The following TINAG variants were observed in gnomAD, a reference collection of about 807,000 sequenced individuals.
The protein encoded by TINAG is tubulointerstitial nephritis antigen.
A neutral mutation model predicts 72.7 loss-of-function variants in TINAG; 83 were observed. The ratio of observed to expected loss-of-function variants is 1.14; its 90% CI spans 0.96 to 1.37. The LOEUF (loss-of-function observed/expected upper bound fraction) is 1.37, where lower values mean the gene tolerates loss of function less well. Ranked by LOEUF, TINAG falls within the 40% of genes most tolerant of loss-of-function variation. TINAG has a pLI of 0.00. For missense variants in TINAG, 685 were observed against 576.6 expected, an observed-to-expected ratio of 1.19 and a Z score of -1.93; for synonymous variants, 234 against 189.9, an observed-to-expected ratio of 1.23 and a Z score of -1.91.
chr6:54,330,395 C>T (rs370907765), intron 4 of TINAG, among the ~76,000 whole-genome samples: 10 of 152,222 alleles, frequency 6.6e-5, no homozygotes, highest in Middle Eastern at 3.4e-3. Context: ...TAAATAAGTT[C>T]TTTGAAACAA....
chr6:54,375,790 T>C (rs1211315489), intron 9 of TINAG, among the ~76,000 whole-genome samples: 4 of 152,200 alleles, frequency 2.6e-5, no homozygotes, highest in Non-Finnish European at 5.9e-5. Flanking sequence ...CTTGCTTGAA[T>C]TGCAACATAA....
intron 9 of TINAG, among the ~76,000 whole-genome samples, chr6:54,372,727 C>CATAT (rs67301819): frequency 4.5e-3 from 600 of 133,512 alleles, no homozygotes; most frequent in Admixed American, 8.8e-3. Context: ...TAAATACATA[C>CATAT]ATATATATAT....
intron 9 of TINAG, among the ~76,000 whole-genome samples, chr6:54,379,571 A>G (rs1763884259): frequency 6.6e-6 from 1 of 152,094 alleles, no homozygotes; most frequent in Admixed American, 6.6e-5. Flanking sequence ...ATTTTTACAT[A>G]AACTACAAAA....
chr6:54,323,727 G>C (rs1372272634), intron 3 of TINAG, among the ~76,000 whole-genome samples: 1 of 152,200 alleles, frequency 6.6e-6, no homozygotes, highest in Non-Finnish European at 1.5e-5. Context: ...GCCAAGACGA[G>C]CAGATCATTT....
intron 9 of TINAG, among the ~76,000 whole-genome samples, chr6:54,377,628 G>A (rs1763819787): frequency 6.6e-6 from 1 of 152,086 alleles, no homozygotes; most frequent in Non-Finnish European, 1.5e-5. Flanking sequence ...GGGAAATAGA[G>A]TACACATAGT....
chr6:54,353,353 A>G (rs1785311589), intron 8 of TINAG, among the ~76,000 whole-genome samples: 1 of 151,840 alleles, frequency 6.6e-6, no homozygotes, highest in African/African-American at 2.4e-5. Context: ...TCTTGCTATA[A>G]ATGTTACAGG....
At chr6:54,381,356 T>C (rs967934694) in intron 10 of TINAG, among the ~76,000 whole-genome samples, 6 of 60,110 alleles carry the variant, frequency 1.0e-4, no homozygotes, top group Non-Finnish European at 1.7e-4. Context: ...TAATATTATA[T>C]ACTTTTTTTA....
intron 10 of TINAG, among the ~76,000 whole-genome samples, chr6:54,384,341 T>C (rs1010050926): frequency 6.6e-6 from 1 of 152,056 alleles, no homozygotes; most frequent in Non-Finnish European, 1.5e-5. Context: ...ACCCCAGAAC[T>C]TAAATTATAA....
chr6:54,363,592 T>C (rs1763309730), intron 9 of TINAG, among the ~76,000 whole-genome samples: 1 of 148,612 alleles, frequency 6.7e-6, no homozygotes, highest in Non-Finnish European at 1.5e-5. Flanking sequence ...AGAGATGTTT[T>C]TGAGACAAAA....
chr6:54,368,925 C>A (rs1384737542), intron 9 of TINAG, among the ~76,000 whole-genome samples: 1 of 151,622 alleles, frequency 6.6e-6, no homozygotes, highest in Non-Finnish European at 1.5e-5. Context: ...TTTTTTATTA[C>A]ACATTTGAAG....
chr6:54,385,431 CA>C (rs950312196), intron 10 of TINAG, among the ~76,000 whole-genome samples: 1 of 150,618 alleles, frequency 6.6e-6, no homozygotes, highest in Admixed American at 6.6e-5. Context: ...CAAAACTTAT[CA>C]AAAACCTACA....
intron 9 of TINAG, among the ~76,000 whole-genome samples, chr6:54,361,491 G>A (rs1763236475): frequency 6.6e-6 from 1 of 151,624 alleles, no homozygotes; most frequent in African/African-American, 2.4e-5. Context: ...TAAACAACCA[G>A]ATCTCATGAG....
intron 4 of TINAG, among the ~76,000 whole-genome samples, chr6:54,338,919 T>C (rs537884584): frequency 6.6e-5 from 10 of 152,094 alleles, no homozygotes; most frequent in Non-Finnish European, 1.5e-4. Flanking sequence ...AATCTAATTT[T>C]CAAAACCGGT....
chr6:54,374,789 T>C (rs1763731552), intron 9 of TINAG, among the ~76,000 whole-genome samples: 3 of 152,234 alleles, frequency 2.0e-5, no homozygotes, highest in African/African-American at 7.2e-5. Flanking sequence ...ATAAGAAGGG[T>C]TGGAGTTCCA....
intron 9 of TINAG, among the ~76,000 whole-genome samples, chr6:54,367,415 T>A (rs1763466557): frequency 6.6e-6 from 1 of 151,778 alleles, no homozygotes; most frequent in Admixed American, 6.6e-5. Context: ...CATACATAAA[T>A]TTGCCTGACC....
intron 4 of TINAG, among the ~76,000 whole-genome samples, chr6:54,332,560 A>G (rs892846011): frequency 2.6e-5 from 4 of 152,216 alleles, no homozygotes; most frequent in African/African-American, 9.6e-5. Context: ...AGGCACGGGC[A>G]AAGACTTCAT....
At chr6:54,381,831 A>G (rs1478373017) in intron 10 of TINAG, among the ~76,000 whole-genome samples, 1 of 152,118 alleles carries the variant, frequency 6.6e-6, no homozygotes, top group African/African-American at 2.4e-5. Context: ...AGAAAAAATC[A>G]AGTTCTTTGA....
intron 9 of TINAG, among the ~76,000 whole-genome samples, chr6:54,355,658 A>C (rs1322697202): frequency 6.6e-6 from 1 of 151,676 alleles, no homozygotes; most frequent in Non-Finnish European, 1.5e-5. Flanking sequence ...AGGATTGAAG[A>C]ATGTGATTTT....
chr6:54,337,362 C>T (rs958458086), intron 4 of TINAG, among the ~76,000 whole-genome samples: 2 of 150,954 alleles, frequency 1.3e-5, no homozygotes, highest in African/African-American at 4.9e-5. Flanking sequence ...AACCAATTCT[C>T]CCTGCCTCAG....
Sources: allele counts gnomAD v4.1 joint callset (sites outside exome capture counted in the v4.1 genomes callset), GRCh38; gene constraint gnomAD v4.1.1; transcripts MANE v1.5; gene names NCBI Gene and HGNC (gene_info 2026-07-23, HGNC 2026-07-21).